The following TAF6 variants were observed in gnomAD, a reference collection of about 807,000 sequenced individuals.
TAF6 encodes the protein transcription initiation factor TFIID subunit 6.
Under a neutral mutation model 73.5 loss-of-function variants are expected in TAF6, and 50 were observed. The observed-to-expected ratio is 0.68, with a 90% CI of 0.54 to 0.86. The LOEUF is 0.86. TAF6 is among the 40% of genes least tolerant of loss of function. TAF6 has a pLI of 0.00. For synonymous variants in TAF6, 424 were observed against 376.7 expected (o/e 1.13, Z -1.45); for missense variants, 768 against 899.5 (o/e 0.85, Z 1.87).
chr7:100,119,185 GCA>G lies in TAF6; in HGVS notation c.-60+17_-60+18del, dbSNP rs1169824865. On this transcript the variant is annotated intron_variant, in intron 1 of 14. Transcript: ENST00000453269. ...AGGCACACACACGGGGTCCCCACGA[GCA>G]CAGACACACAACCAACCGTCCTCTT... 1.0e-6 allele frequency: 1 copy of G among 989,202 alleles called. No homozygotes were observed. The highest frequency in any genetic ancestry group is 1.2e-6 in the Non-Finnish European group (1 of 831,902). 61.3% of individuals were successfully genotyped at this position (989,202 alleles called of 1,614,324 possible). A position where few individuals can be genotyped will look rare whatever the true frequency, so the allele number is the denominator to read the frequency against.
chr7:100,125,281 A>G, the TAF6 span: 1 of 182,068 alleles, frequency 5.5e-6, no homozygotes, highest in Non-Finnish European at 1.2e-5. Flanking sequence ...AAGAGGCCAG[A>G]ACGGACATTC....
In TAF6 at chr7:100,107,996, G is replaced by A. The variant is rs749558747; in HGVS notation, c.1586C>T (p.Pro529Leu). 2.5e-6 allele frequency: 4 copies of A among 1,613,904 alleles called. No homozygotes were observed. The Admixed American group carries it at 6.7e-5, about 27-fold the overall frequency. The part of the protein sequence containing the change: ...TLVSARAAAP[P>L]QPSPPPTKFI... ...CTTGGTTGGAGGAGGGGAAGGCTGT[G>A]GTGGGGCAGCCGCTCGTGCAGACAC... The change falls in exon 14 of 15, where the codon CCA becomes CTA. Residue 529 changes from proline (P) to leucine (L), a missense_variant. By Grantham distance (98) the Pro-to-Leu change is moderately conservative (BLOSUM62 -3). This residue lies in a region of TAF6 where 350 missense variants were observed against 352.3 expected (regional missense o/e 0.99). Transcript: ENST00000453269.
At chr7:100,115,278 C>G (rs4134896) in intron 1 of TAF6, 1 of 152,240 alleles carries the variant, frequency 6.6e-6, no homozygotes, top group Non-Finnish European at 1.5e-5. Context: ...AGGCGTGAGC[C>G]GAAGTGTCTG....
upstream of TAF6, chr7:100,119,745 A>ATGGGACC (rs1156899716): frequency 8.1e-6 from 13 of 1,614,198 alleles, no homozygotes; most frequent in Non-Finnish European, 1.1e-5. Flanking sequence ...GCGCTTTGTC[A>ATGGGACC]TGGGACCTGT....
chr7:100,122,740 G>A, upstream of TAF6: 2 of 1,590,116 alleles, frequency 1.3e-6, no homozygotes, highest in African/African-American at 1.3e-5. Flanking sequence ...GAAGGGAGGG[G>A]TGGGGTGGTG....
Position 100,113,395 on chromosome 7 carries a change from C to A in TAF6, c.408G>T (p.Leu136=), listed in dbSNP as rs781365697. The A allele has an allele frequency of 5.0e-6, 8 of 1,593,368 alleles. No homozygotes were observed. Among genetic ancestry groups the A allele is most frequent in the Middle Eastern group, 3.4e-4 (2 of 5,954 alleles). Residue 136 remains leucine, a synonymous_variant, in exon 5 of 15, where the codon CTG becomes CTT. Coordinates refer to ENST00000453269, the MANE Select transcript of TAF6 (RefSeq NM_139315.3). ...TAGCTGGCTGGCAGCCCTCGATGCT[C>A]AGCCAATGAGCTGCAAGGAAGGCAG... ...PLDVCLKAHW[L]SIEGCQPAIP...
chr7:100,108,356 C>A lies in TAF6; in HGVS notation c.1458+11G>T. 3.8e-6 allele frequency: 6 copies of A among 1,590,222 alleles called. No individual in the cohort carries two copies. Among genetic ancestry groups the A allele is most frequent in the Non-Finnish European group, 5.2e-6 (6 of 1,164,808 alleles). ...CTTCCTCCTATTCCTCCTCCCCACC[C>A]GGCCACGGACCTGCGTGATGGTCAG... On this transcript the variant is annotated intron_variant, in intron 13 of 14. Coordinates refer to ENST00000453269, the MANE Select transcript of TAF6 (RefSeq NM_139315.3).
chr7:100,116,569 G>A (rs1797690632), intron 1 of TAF6: 1 of 152,082 alleles, frequency 6.6e-6, no homozygotes, highest in South Asian at 2.1e-4. Context: ...AACCCGGGAG[G>A]CGGAGGTTGC....
chr7:100,119,431 T>C, upstream of TAF6: 1 of 1,241,032 alleles, frequency 8.1e-7, no homozygotes, highest in Non-Finnish European at 1.0e-6. Flanking sequence ...ATAAGTCCTC[T>C]AGGCTCGCAG....
In TAF6 at chr7:100,113,691, C is replaced by G. The variant is rs1254342817; in HGVS notation, c.322G>C (p.Glu108Gln). ...TCGCTCAGATCAACCTCCTTCTCCT[C>G]ATAGAAGTAAAGCTCCCGGCCCCCA... is the stretch of plus-strand genomic sequence containing the variant. ...SGGGRELYFYEEKEVDLSDII... is the reference protein window; with the variant it reads ...SGGGRELYFYQEKEVDLSDII... Residue 108 changes from glutamate to glutamine, a missense_variant, in exon 4 of 15, where the codon GAG becomes CAG. By Grantham distance (29) the Glu-to-Gln change is conservative. Transcript: ENST00000453269. 5 of 1,613,960 alleles carry G rather than the reference C, an allele frequency of 3.1e-6. No individual in the cohort carries two copies. In the African/African-American group the frequency reaches 6.7e-5, roughly 22 times the overall value.
At chr7:100,117,727 G>C (rs145435288) in intron 1 of TAF6, among the ~76,000 whole-genome samples, 13 of 152,208 alleles carry the variant, frequency 8.5e-5, no homozygotes, top group African/African-American at 2.9e-4. Flanking sequence ...ATAGGCCCAA[G>C]CTTTGAGCCT....
At chr7:100,113,840 C>G (rs201225863) in intron 3 of TAF6, 28 bp downstream of exon 3, 13 of 928,936 alleles carry the variant, frequency 1.4e-5, no homozygotes, top group Non-Finnish European at 1.7e-5. Context: ...GGCGTCTCAC[C>G]CCCCCCCCGC....
intron 12 of TAF6, chr7:100,108,956 G>C (rs553969369): frequency 0.031 from 4,905 of 157,276 alleles, 282 homozygotes; most frequent in African/African-American, 0.11. Context: ...CCAGGTGGTG[G>C]AGGCTGCAGT....
chr7:100,120,165 G>A (rs963218084), upstream of TAF6: 4 of 276,790 alleles, frequency 1.4e-5, no homozygotes, highest in South Asian at 5.1e-5. Context: ...AGCATCTTCA[G>A]TGAGTGTTTA....
upstream of TAF6, among the ~76,000 whole-genome samples, chr7:100,123,284 A>G (rs1056212187): frequency 1.3e-5 from 2 of 152,006 alleles, no homozygotes; most frequent in Non-Finnish European, 2.9e-5. Flanking sequence ...GGAGGTTGCC[A>G]TGAGCCAAGA....
chr7:100,114,283 G>A lies in TAF6; in HGVS notation c.-59-15C>T. The A allele has an allele frequency of 6.2e-7, 1 of 1,610,364 alleles. No homozygotes were observed. On this transcript the variant is annotated splice_polypyrimidine_tract_variant and intron_variant, in intron 1 of 14. Coordinates refer to ENST00000453269, the MANE Select transcript of TAF6 (RefSeq NM_139315.3). ...AGACGGAGACCCTGGCAGAGGAACG[G>A]GGCAGGCAGAAGAAAAAGAAACGTG...
chr7:100,110,183 C>T lies in TAF6; in HGVS notation c.1158+17G>A, dbSNP rs1797039222. 1 of 1,614,114 alleles carries T rather than the reference C, an allele frequency of 6.2e-7. No homozygotes were observed. The highest frequency in any genetic ancestry group is 1.1e-5 in the South Asian group (1 of 91,080). On this transcript the variant is annotated intron_variant, in intron 11 of 14. Coordinates refer to ENST00000453269, the MANE Select transcript of TAF6 (RefSeq NM_139315.3). ...GACTGTGTCCCCTCCCCCATTTCTT[C>T]CTCCCAGAGGCCTAACATCGTGTCC...
rs1562919697 is a variant in TAF6 at position 100,108,141 on chromosome 7, A to C, written c.1459-18T>G. On this transcript the variant is annotated intron_variant, in intron 13 of 14. Coordinates refer to ENST00000453269, the MANE Select transcript of TAF6 (RefSeq NM_139315.3). ...GGCCGGGGCTGCGGGGAGAAGAGGA[A>C]AGGGGGAAGTGGCACCATCTACTAA... is the stretch of plus-strand genomic sequence containing the variant. 6.3e-7 allele frequency: 1 copy of C among 1,580,186 alleles called. No individual in the cohort carries two copies. Among genetic ancestry groups the C allele is most frequent in the Non-Finnish European group, 8.6e-7 (1 of 1,167,426 alleles).
chr7:100,122,662 TCA>T, upstream of TAF6: 2 of 1,509,060 alleles, frequency 1.3e-6, no homozygotes, highest in Non-Finnish European at 1.8e-6. Flanking sequence ...TATCTGCCCA[TCA>T]TCTCACCATC....
Sources: gnomAD v4.1 joint callset for allele counts (sites outside exome capture counted in the v4.1 genomes callset) on GRCh38, gnomAD v4.1.1 for gene constraint, gnomAD v4.1.1 regional missense constraint, MANE v1.5 for transcripts, NCBI Gene and HGNC (gene_info 2026-07-23, HGNC 2026-07-21) for gene names.